LGSN: variants seen among roughly 807,000 people sequenced by gnomAD.
LGSN encodes lengsin, lens protein with glutamine synthetase domain, also known as lengsin.
Under a neutral mutation model 19.5 loss-of-function variants are expected in LGSN, and 21 were observed. The observed-to-expected ratio is 1.07, with a 90% CI of 0.76 to 1.55. LGSN has a LOEUF of 1.55. Ranked by LOEUF, LGSN falls within the 40% of genes most tolerant of loss-of-function variation. The pLI, the probability that LGSN is intolerant of heterozygous loss-of-function variation, is 0.00. For synonymous variants in LGSN, 257 were observed against 215.6 expected (o/e 1.19, Z -1.68); for missense variants, 673 against 608.5 (o/e 1.11, Z -1.12).
the LGSN span, among the ~76,000 whole-genome samples, chr6:63,528,685 C>T: frequency 4.6e-5 from 7 of 152,128 alleles, no homozygotes; most frequent in East Asian, 1.2e-3. Context: ...TACCTGAGCA[C>T]GGGGGAGGTC....
the LGSN span, among the ~76,000 whole-genome samples, chr6:63,482,768 T>C: frequency 6.6e-6 from 1 of 152,216 alleles, no homozygotes; most frequent in African/African-American, 2.4e-5. Context: ...TGGCATTATC[T>C]TGGCTCGCTG....
chr6:63,285,884 G>T, intron 2 of LGSN, 131 bp from the exon 3 acceptor site: 1 of 695,524 alleles, frequency 1.4e-6, no homozygotes, highest in Non-Finnish European at 2.4e-6. Context: ...CACTGGCTTA[G>T]AGTTGGATAT....
chr6:63,520,969 A>G, the LGSN span, among the ~76,000 whole-genome samples: 29 of 152,166 alleles, frequency 1.9e-4, no homozygotes, highest in South Asian at 4.1e-4. Flanking sequence ...CATCCTCAGC[A>G]AACTAACACA....
At chr6:63,410,984 G>C in the LGSN span, among the ~76,000 whole-genome samples, 2 of 152,008 alleles carry the variant, frequency 1.3e-5, no homozygotes, top group African/African-American at 2.4e-5. Context: ...TATTTCTTGG[G>C]GATATTTAGA....
the LGSN span, among the ~76,000 whole-genome samples, chr6:63,457,144 T>C: frequency 6.6e-6 from 1 of 152,196 alleles, no homozygotes; most frequent in Non-Finnish European, 1.5e-5. Context: ...CTACACCAAA[T>C]ATTGGTTTGA....
the LGSN span, among the ~76,000 whole-genome samples, chr6:63,479,424 G>A: frequency 6.6e-6 from 1 of 151,070 alleles, no homozygotes; most frequent in Non-Finnish European, 1.5e-5. Context: ...GCAATGGAAT[G>A]TTAGAGCTAA....
chr6:63,418,133 A>AT, the LGSN span, among the ~76,000 whole-genome samples: 2 of 152,298 alleles, frequency 1.3e-5, no homozygotes, highest in East Asian at 3.9e-4. Flanking sequence ...TTTCCATTTA[A>AT]TTTTTAGTAT....
chr6:63,337,542 C>T, the LGSN span, among the ~76,000 whole-genome samples: 1 of 151,742 alleles, frequency 6.6e-6, no homozygotes, highest in African/African-American at 2.4e-5. Flanking sequence ...GTGGTTCTCA[C>T]CTGTAATCCA....
the LGSN span, among the ~76,000 whole-genome samples, chr6:63,473,784 T>C: frequency 6.8e-6 from 1 of 147,896 alleles, no homozygotes; most frequent in Non-Finnish European, 1.5e-5. Context: ...CTCACACATG[T>C]CCTTCTTGAG....
At chr6:63,500,212 C>T in the LGSN span, among the ~76,000 whole-genome samples, 81,297 of 151,660 alleles carry the variant, frequency 0.54, 23,591 homozygotes, top group African/African-American at 0.77. Flanking sequence ...AGCCAAGCTA[C>T]AGCATTTAAC....
the LGSN span, among the ~76,000 whole-genome samples, chr6:63,450,873 C>T: frequency 1.3e-5 from 2 of 151,940 alleles, no homozygotes; most frequent in African/African-American, 4.8e-5. Context: ...AAGGTTTCGC[C>T]ATGTTGCCCA....
the LGSN span, among the ~76,000 whole-genome samples, chr6:63,363,464 T>C: frequency 1.3e-5 from 2 of 152,120 alleles, no homozygotes; most frequent in Non-Finnish European, 2.9e-5. Context: ...AAAGATTAGA[T>C]GAATGGCCAA....
the LGSN span, among the ~76,000 whole-genome samples, chr6:63,382,438 T>A: frequency 3.3e-5 from 5 of 152,322 alleles, no homozygotes; most frequent in South Asian, 2.1e-4. Flanking sequence ...GGTTTTCTTT[T>A]ACAGCACCTT....
chr6:63,422,485 G>C, the LGSN span, among the ~76,000 whole-genome samples: 1 of 152,268 alleles, frequency 6.6e-6, no homozygotes, highest in Middle Eastern at 3.4e-3. Flanking sequence ...TGAAAACTCT[G>C]TGCTTTCTGC....
At chr6:63,325,933 G>C in the LGSN span, among the ~76,000 whole-genome samples, 1 of 152,170 alleles carries the variant, frequency 6.6e-6, no homozygotes, top group African/African-American at 2.4e-5. Flanking sequence ...TGGGCAGCCT[G>C]CTTTTATTCT....
At position 63,278,996 on chromosome 6, in the gene LGSN, C is replaced by A. The variant is rs1767184375; in HGVS notation, c.*1025G>T. Reference sequence around the variant, plus strand: ...AGTAAGTGGATTTTGGACTTCTTCCCAAAAGCAGCTAAACTTTTGTGATAG... The same window carrying A: ...AGTAAGTGGATTTTGGACTTCTTCCAAAAAGCAGCTAAACTTTTGTGATAG... On this transcript the variant is annotated 3_prime_UTR_variant, in exon 4 of 4. Coordinates refer to ENST00000370657, the MANE Select transcript of LGSN (RefSeq NM_016571.3). 6.6e-6 allele frequency: 1 copy of A among 152,130 alleles called. No individual in the cohort carries two copies. Among genetic ancestry groups the A allele is most frequent in the African/African-American group, 2.4e-5 (1 of 41,414 alleles). 9.4% of individuals were successfully genotyped at this position (152,130 alleles called of 1,614,324 possible). A position where few individuals can be genotyped will look rare whatever the true frequency, so the allele number is the denominator to read the frequency against.
the LGSN span, among the ~76,000 whole-genome samples, chr6:63,552,843 G>T: frequency 6.6e-6 from 1 of 152,148 alleles, no homozygotes; most frequent in Non-Finnish European, 1.5e-5. Flanking sequence ...TCAGATGATT[G>T]TAGATGTGTG....
At chr6:63,337,553 G>A in the LGSN span, among the ~76,000 whole-genome samples, 1 of 151,926 alleles carries the variant, frequency 6.6e-6, no homozygotes. Flanking sequence ...CTGTAATCCA[G>A]CACTTTAGGA....
At chr6:63,442,763 AG>A in the LGSN span, among the ~76,000 whole-genome samples, 2 of 152,138 alleles carry the variant, frequency 1.3e-5, no homozygotes, top group South Asian at 4.1e-4. Flanking sequence ...CAGATTAGCT[AG>A]ATACAGAGTG....
Sources: allele counts gnomAD v4.1 joint callset (sites outside exome capture counted in the v4.1 genomes callset), GRCh38; gene constraint gnomAD v4.1.1; transcripts MANE v1.5; gene names NCBI Gene and HGNC (gene_info 2026-07-23, HGNC 2026-07-21).